OR2J1: variants seen among roughly 807,000 people sequenced by gnomAD.
The protein encoded by OR2J1 is olfactory receptor 2J1.
OR2J1 carries 10 observed loss-of-function variants against 10.2 expected under a neutral mutation model. The ratio of observed to expected loss-of-function variants is 0.98; its 90% confidence interval spans 0.60 to 1.66. The LOEUF (loss-of-function observed/expected upper bound fraction) is 1.66. OR2J1 is among the 40% of genes most tolerant of loss of function. OR2J1 has a pLI of 0.00. For missense variants in OR2J1, 317 were observed against 379.4 expected, an observed-to-expected ratio of 0.84 and a Z score of 1.37; for synonymous variants, 143 against 138.8, an observed-to-expected ratio of 1.03 and a Z score of -0.21.
chr6:29,100,931 G>A lies in OR2J1; in HGVS notation c.-12G>A. ...TTATGCGATTCTTTCTTTAGGTACA[G>A]GAAAAATAAGAATGTTGATGAAAAA... On this transcript the variant is annotated 5_prime_UTR_variant, in exon 2 of 2. Transcript: ENST00000641659. 9.0e-7 allele frequency: 1 copy of A among 1,105,450 alleles called. No individual in the cohort carries two copies. The highest frequency in any genetic ancestry group is 1.4e-6 in the Non-Finnish European group (1 of 726,264). The allele number at this position is 1,105,450 out of a possible 1,614,324, so 68.5% of individuals were successfully genotyped here.
In OR2J1 at chr6:29,101,321, G is replaced by C. The variant is rs1172945646; in HGVS notation, c.379G>C (p.Val127Leu). The change falls in exon 2 of 2, where the codon GTG becomes CTG. Residue 127 changes from valine (V) to leucine (L), a missense_variant. Val to Leu is a conservative substitution (Grantham distance 32, BLOSUM62 1). Coordinates refer to ENST00000641659, the MANE Select transcript of OR2J1 (RefSeq NM_001348294.2). ...VVMSYDRYAA[V>L]CRPLHYTVLM... ...GATGTCCTATGATCGTTATGCAGCTGTGTGTAGACCTTTGCATTACACTGT... is the reference window on the plus strand; with the variant it reads ...GATGTCCTATGATCGTTATGCAGCTCTGTGTAGACCTTTGCATTACACTGT... The C allele has an allele frequency of 7.5e-6, 12 of 1,602,868 alleles. No homozygotes were observed. The highest frequency in any genetic ancestry group is 5.4e-5 in the African/African-American group (4 of 74,698).
rs1761674736 is a variant in OR2J1 at position 29,102,148 on chromosome 6, G to A, written c.*267G>A. 7.9e-6 allele frequency: 3 copies of A among 377,396 alleles called. No homozygotes were observed. Among genetic ancestry groups the A allele is most frequent in the African/African-American group, 4.2e-5 (2 of 48,114 alleles). The allele number at this position is 377,396 out of a possible 1,614,324, so 23.4% of individuals were successfully genotyped here. Reference sequence around the variant, plus strand: ...GTGGTTTCAACATAAATAAATGTGTGTGTGAATAATTATGAGGAGATTATT... The same window carrying A: ...GTGGTTTCAACATAAATAAATGTGTATGTGAATAATTATGAGGAGATTATT... On this transcript the variant is annotated 3_prime_UTR_variant, in exon 2 of 2. Transcript: ENST00000641659.
Position 29,101,943 on chromosome 6 carries a change from C to G in OR2J1, c.*62C>G. ...CTTATCCATTTTGAAAGGTTGTTTC[C>G]CTGCTTCTTTGTGATTTGTGTTTCA... On this transcript the variant is annotated 3_prime_UTR_variant, in exon 2 of 2. Coordinates refer to ENST00000641659, the MANE Select transcript of OR2J1 (RefSeq NM_001348294.2). 3 of 692,704 alleles carry G rather than the reference C, an allele frequency of 4.3e-6. No homozygotes were observed. Among genetic ancestry groups the G allele is most frequent in the Non-Finnish European group, 7.5e-6 (3 of 397,766 alleles). The allele number at this position is 692,704 out of a possible 1,614,324, so 42.9% of individuals were successfully genotyped here. A position where few individuals can be genotyped will look rare whatever the true frequency, so the allele number is the denominator to read the frequency against.
Position 29,101,570 on chromosome 6 carries a change from A to C in OR2J1, c.628A>C (p.Ile210Leu), listed in dbSNP as rs755402941. 9 of 1,604,102 alleles carry C rather than the reference A, an allele frequency of 5.6e-6. No individual in the cohort carries two copies. Among genetic ancestry groups the C allele is most frequent in the Admixed American group, 3.3e-5 (2 of 59,958 alleles). Residue 210 changes from isoleucine (I) to leucine (L), a missense_variant, in exon 2 of 2, where the codon ATA (isoleucine) becomes CTA (leucine). Physicochemically the swap from Ile to Leu is conservative, Grantham distance 5. Transcript: ENST00000641659. ...LMVMSSIFVLIPLILILTSYG... is the reference protein window; with the variant it reads ...LMVMSSIFVLLPLILILTSYG... ...GGTCATGAGCTCCATATTTGTTCTCATACCTCTCATCCTCATCCTCACTTC... is the reference window on the plus strand; with the variant it reads ...GGTCATGAGCTCCATATTTGTTCTCCTACCTCTCATCCTCATCCTCACTTC...
rs773552852 is a variant in OR2J1, at chr6:29,101,167, C to A, written c.225C>A (p.Thr75=). 1 of 1,590,720 alleles carries A rather than the reference C, an allele frequency of 6.3e-7. No individual in the cohort carries two copies. Among genetic ancestry groups the A allele is most frequent in the South Asian group, 1.1e-5 (1 of 90,560 alleles). Residue 75 remains threonine (T), a synonymous_variant, in exon 2 of 2, where the codon ACC becomes ACA. Transcript: ENST00000641659. ...SNLSFLDLCY[T]TSSIPQLLVN... is the part of the protein sequence containing the mutation. ...TCTCATTTCTGGATCTCTGCTACAC[C>A]ACCAGCTCTATCCCTCAGTTGCTGG... is the stretch of plus-strand genomic sequence containing the variant.
rs1761552522 is a variant in OR2J1 at position 29,100,899 on chromosome 6, T to G, written c.-44T>G. 3 of 904,636 alleles carry G rather than the reference T, an allele frequency of 3.3e-6. No homozygotes were observed. The highest frequency in any genetic ancestry group is 3.6e-6 in the Non-Finnish European group (2 of 559,156). 56.0% of individuals were successfully genotyped at this position (904,636 alleles called of 1,614,324 possible). ...AGCAGTTGGCAATGCATGGACAGAC[T>G]TTGAGTTTATGCGATTCTTTCTTTA... On this transcript the variant is annotated 5_prime_UTR_variant, in exon 2 of 2. Coordinates refer to ENST00000641659, the MANE Select transcript of OR2J1 (RefSeq NM_001348294.2).
At chr6:29,100,266 C>G (rs1317986838) in intron 1 of OR2J1, among the ~76,000 whole-genome samples, 1 of 152,192 alleles carries the variant, frequency 6.6e-6, no homozygotes, top group Admixed American at 6.5e-5. Context: ...TTTGGAAGCA[C>G]TCTATCACTG....
rs1401168539 is a variant in OR2J1 at position 29,101,626 on chromosome 6, C to A, written c.684C>A (p.Ser228Arg). The change falls in exon 2 of 2, where the codon AGC becomes AGA. Residue 228 changes from serine (S) to arginine (R), a missense_variant. Coordinates refer to ENST00000641659, the MANE Select transcript of OR2J1 (RefSeq NM_001348294.2). ...SYGAIARAVL[S>R]MQSTTGLQKV... ...GTGCCATTGCCCGGGCTGTACTGAG[C>A]ATGCAATCAACCACTGGGCTTCAGA... 1.2e-6 allele frequency: 2 copies of A among 1,612,308 alleles called. No individual in the cohort carries two copies. The highest frequency in any genetic ancestry group is 1.7e-6 in the Non-Finnish European group (2 of 1,178,448).
In OR2J1 at chr6:29,101,530, T is replaced by A; in HGVS notation, c.588T>A (p.Asn196Lys). 6.4e-7 allele frequency: 1 copy of A among 1,567,470 alleles called. No homozygotes were observed. Among genetic ancestry groups the A allele is most frequent in the Non-Finnish European group, 8.8e-7 (1 of 1,137,158 alleles). ...TATCATGTGTTGATACCCAGGCAAA[T>A]GAGCTGACCCTCATGGTCATGAGCT... ...LRLSCVDTQA[N>K]ELTLMVMSSI... is the part of the protein sequence containing the mutation. The change falls in exon 2 of 2, where the codon AAT becomes AAA. Residue 196 changes from asparagine (N) to lysine (K), a missense_variant. Coordinates refer to ENST00000641659, the MANE Select transcript of OR2J1 (RefSeq NM_001348294.2).
In OR2J1 at chr6:29,101,100, A is replaced by G. The variant is rs779226486; in HGVS notation, c.158A>G (p.Asp53Gly). Residue 53 changes from aspartate (D) to glycine (G), a missense_variant, in exon 2 of 2, where the codon GAC becomes GGC. Physicochemically the swap from Asp to Gly is moderately conservative, Grantham distance 94. Transcript: ENST00000641659. The part of the protein sequence containing the change: ...NLFIIILSYL[D>G]SHLHTPMYFF... The stretch of plus-strand genomic sequence containing the variant: ...TTCATCATCATCCTGTCATACCTGG[A>G]CTCCCATCTCCACACTCCCATGTAC... 2.8e-5 allele frequency: 43 copies of G among 1,550,536 alleles called. No homozygotes were observed. Among genetic ancestry groups the G allele is most frequent in the Non-Finnish European group, 8.9e-7 (1 of 1,122,536 alleles).
At position 29,101,686 on chromosome 6, in the gene OR2J1, T is replaced by C. The variant is rs1761630099; in HGVS notation, c.744T>C (p.Val248=). 17 of 1,613,758 alleles carry C rather than the reference T, an allele frequency of 1.1e-5. No individual in the cohort carries two copies. Among genetic ancestry groups the C allele is most frequent in the Non-Finnish European group, 1.4e-5 (17 of 1,179,676 alleles). ...VLRTCGAHLM[V]VSLFFIPVMC... ...GGACATGTGGAGCCCATCTTATGGT[T>C]GTATCTCTCTTTTTCATTCCAGTCA... is the stretch of plus-strand genomic sequence containing the variant. Residue 248 remains valine (V), a synonymous_variant, in exon 2 of 2, where the codon GTT becomes GTC. Coordinates refer to ENST00000641659, the MANE Select transcript of OR2J1 (RefSeq NM_001348294.2).
rs753734854 is a variant in OR2J1, at chr6:29,101,287, A to G, written c.345A>G (p.Leu115=). ...CACTGGGAACCGCAGAGTGTGTCCTACTGGTGGTGATGTCCTATGATCGTT... is the reference window on the plus strand; with the variant it reads ...CACTGGGAACCGCAGAGTGTGTCCTGCTGGTGGTGATGTCCTATGATCGTT... The part of the protein sequence containing the change: ...VLALGTAECV[L]LVVMSYDRYA... Residue 115 remains leucine, a synonymous_variant, in exon 2 of 2, where the codon CTA becomes CTG. Transcript: ENST00000641659. 3.1e-6 allele frequency: 5 copies of G among 1,601,036 alleles called. No individual in the cohort carries two copies. In the South Asian group the frequency reaches 4.4e-5, roughly 14 times the overall value.
In OR2J1 at chr6:29,101,436, T is replaced by C; in HGVS notation, c.494T>C (p.Phe165Ser). The C allele has an allele frequency of 6.6e-7, 1 of 1,515,228 alleles. No individual in the cohort carries two copies. 93.9% of individuals were successfully genotyped at this position (1,515,228 alleles called of 1,614,324 possible). A position where few individuals can be genotyped will look rare whatever the true frequency, so the allele number is the denominator to read the frequency against. Residue 165 changes from phenylalanine to serine, a missense_variant, in exon 2 of 2, where the codon TTC becomes TCC. Coordinates refer to ENST00000641659, the MANE Select transcript of OR2J1 (RefSeq NM_001348294.2). ...TCAGCACTTCATTCCTCCTTTACTT[T>C]CTGGATACCCCTATGTAGACATCGC... Reference protein sequence around the residue: ...TTSALHSSFTFWIPLCRHRLV... With the variant: ...TTSALHSSFTSWIPLCRHRLV...
intron 1 of OR2J1, 97 bp from the exon 2 acceptor site, chr6:29,100,663 A>C (rs1167348942): frequency 3.8e-6 from 1 of 262,076 alleles, no homozygotes; most frequent in Admixed American, 5.1e-5. Context: ...TGTCTTTCTG[A>C]TTATGGAATA....
At position 29,101,911 on chromosome 6, in the gene OR2J1, C is replaced by T. The variant is rs749500880; in HGVS notation, c.*30C>T. Reference sequence around the variant, plus strand: ...GAAATCATGTTGGCTGTTGTTTTTCCTAGGGTCTTATCCATTTTGAAAGGT... The same window carrying T: ...GAAATCATGTTGGCTGTTGTTTTTCTTAGGGTCTTATCCATTTTGAAAGGT... On this transcript the variant is annotated 3_prime_UTR_variant, in exon 2 of 2. Transcript: ENST00000641659. 4 of 898,336 alleles carry T rather than the reference C, an allele frequency of 4.5e-6. No homozygotes were observed. The highest frequency in any genetic ancestry group is 7.3e-6 in the Non-Finnish European group (4 of 548,734). The allele number at this position is 898,336 out of a possible 1,614,324, so 55.6% of individuals were successfully genotyped here. A position where few individuals can be genotyped will look rare whatever the true frequency, so the allele number is the denominator to read the frequency against.
Position 29,101,830 on chromosome 6 carries a change from G to A in OR2J1, c.888G>A (p.Lys296=). ...CTCTAATCTACACTTTCAGAAACAA[G>A]GATGTAAGAGGGGCAGTGAAGAGAC... The part of the protein sequence containing the change: ...LNPLIYTFRN[K]DVRGAVKRLM... Residue 296 remains lysine (K), a synonymous_variant, in exon 2 of 2, where the codon AAG becomes AAA. Transcript: ENST00000641659. 5 of 1,532,952 alleles carry A rather than the reference G, an allele frequency of 3.3e-6. No individual in the cohort carries two copies. Among genetic ancestry groups the A allele is most frequent in the Admixed American group, 3.3e-5 (2 of 59,868 alleles). 95.0% of individuals were successfully genotyped at this position (1,532,952 alleles called of 1,614,324 possible).
chr6:29,100,452 C>T (rs2150938694), intron 1 of OR2J1, among the ~76,000 whole-genome samples: 1 of 152,146 alleles, frequency 6.6e-6, no homozygotes, highest in East Asian at 1.9e-4. Flanking sequence ...ATAATCATAT[C>T]CAATTATTTC....
rs1562532469 is a variant in OR2J1, at chr6:29,101,618, G to A, written c.676G>A (p.Val226Ile). 6.2e-7 allele frequency: 1 copy of A among 1,611,908 alleles called. No individual in the cohort carries two copies. The highest frequency in any genetic ancestry group is 8.5e-7 in the Non-Finnish European group (1 of 1,178,008). ...LTSYGAIARA[V>I]LSMQSTTGLQ... ...TTCCTATGGTGCCATTGCCCGGGCT[G>A]TACTGAGCATGCAATCAACCACTGG... Residue 226 changes from valine to isoleucine, a missense_variant, in exon 2 of 2, where the codon GTA (valine) becomes ATA (isoleucine). By Grantham distance (29) the Val-to-Ile change is conservative. Transcript: ENST00000641659.
Position 29,101,883 on chromosome 6 carries a change from A to G in OR2J1, c.*2A>G, listed in dbSNP as rs1384784055. On this transcript the variant is annotated 3_prime_UTR_variant, in exon 2 of 2. Coordinates refer to ENST00000641659, the MANE Select transcript of OR2J1 (RefSeq NM_001348294.2). ...ATGGGGTGGGAATGGGGGATGTGACAGGGAAATCATGTTGGCTGTTGTTTT... is the reference window on the plus strand; with the variant it reads ...ATGGGGTGGGAATGGGGGATGTGACGGGGAAATCATGTTGGCTGTTGTTTT... 1 of 1,120,218 alleles carries G rather than the reference A, an allele frequency of 8.9e-7. No individual in the cohort carries two copies. Among genetic ancestry groups the G allele is most frequent in the East Asian group, 2.3e-5 (1 of 42,560 alleles). 69.4% of individuals were successfully genotyped at this position (1,120,218 alleles called of 1,614,324 possible).
Sources: allele counts gnomAD v4.1 joint callset (sites outside exome capture counted in the v4.1 genomes callset), GRCh38; gene constraint gnomAD v4.1.1; transcripts MANE v1.5; gene names NCBI Gene and HGNC (gene_info 2026-07-23, HGNC 2026-07-21).